The following KCNQ5 variants were observed in gnomAD, a reference collection of about 807,000 sequenced individuals.
The protein encoded by KCNQ5 is potassium voltage-gated channel subfamily KQT member 5.
A neutral mutation model predicts 98.2 loss-of-function variants in KCNQ5; 30 were observed. The observed-to-expected ratio is 0.31, with a 90% CI of 0.23 to 0.41. KCNQ5 has a LOEUF of 0.41. Among genes scored for constraint, KCNQ5 ranks in the 10% least tolerant of loss-of-function variants. KCNQ5 has a pLI of 1.00. For synonymous variants in KCNQ5, 458 were observed against 449.4 expected (o/e 1.02, Z -0.24); for missense variants, 835 against 1,182.5 (o/e 0.71, Z 4.31).
At chr6:73,033,858 G>C (rs573138573) in intron 2 of KCNQ5, among the ~76,000 whole-genome samples, 1 of 151,834 alleles carries the variant, frequency 6.6e-6, no homozygotes, top group Non-Finnish European at 1.5e-5. Flanking sequence ...TAGTCCCTTT[G>C]GTAAAAACAT....
At chr6:72,925,917 T>G (rs2150223234) in intron 1 of KCNQ5, among the ~76,000 whole-genome samples, 1 of 152,322 alleles carries the variant, frequency 6.6e-6, no homozygotes, top group South Asian at 2.1e-4. Flanking sequence ...ATATGAAAGG[T>G]AATGAGAAGC....
chr6:73,017,292 A>G (rs1411123752), intron 2 of KCNQ5, among the ~76,000 whole-genome samples: 1 of 152,152 alleles, frequency 6.6e-6, no homozygotes, highest in African/African-American at 2.4e-5. Context: ...AGGTTAATTC[A>G]TCATTTTTTA....
chr6:72,856,239 A>G (rs988545088), intron 1 of KCNQ5, among the ~76,000 whole-genome samples: 1 of 152,050 alleles, frequency 6.6e-6, no homozygotes, highest in African/African-American at 2.4e-5. Context: ...TCTTTGCTCA[A>G]TTTTTTCATT....
At chr6:73,088,367 G>T (rs1360277092) in intron 5 of KCNQ5, among the ~76,000 whole-genome samples, 1 of 152,112 alleles carries the variant, frequency 6.6e-6, no homozygotes, top group Admixed American at 6.6e-5. Flanking sequence ...AGATTACCTG[G>T]TCTTTGTGAA....
rs951366761 is a variant in KCNQ5 at position 73,160,458 on chromosome 6, A to C, written c.1469-9288A>C. 2.0e-5 allele frequency among the ~76,000 whole-genome samples: 3 copies of C among 152,354 alleles called. No individual in the cohort carries two copies. The East Asian group carries it at 5.8e-4, about 29-fold the overall frequency. On this transcript the variant is annotated intron_variant, in intron 10 of 13. Transcript: ENST00000370398. The stretch of plus-strand genomic sequence containing the variant: ...GGGGTTTTTTGATGGCTGCGAGTAG[A>C]AGACAATGACTGGAATTCAGCAGGC...
chr6:72,683,561 G>C (rs1767812044), intron 1 of KCNQ5, among the ~76,000 whole-genome samples: 1 of 151,778 alleles, frequency 6.6e-6, no homozygotes, highest in Admixed American at 6.6e-5. Flanking sequence ...AAGAGACGGG[G>C]TTTCACCATG....
At chr6:72,821,503 A>G (rs972727304) in intron 1 of KCNQ5, among the ~76,000 whole-genome samples, 1 of 152,148 alleles carries the variant, frequency 6.6e-6, no homozygotes, top group African/African-American at 2.4e-5. Flanking sequence ...TATGGAAGAC[A>G]TTTGGGGCTA....
intron 2 of KCNQ5, among the ~76,000 whole-genome samples, chr6:73,037,209 T>A (rs1235169044): frequency 2.6e-5 from 4 of 152,200 alleles, no homozygotes; most frequent in Non-Finnish European, 5.9e-5. Flanking sequence ...ATTTTCTAAT[T>A]GAGTTTTTGG....
intron 1 of KCNQ5, among the ~76,000 whole-genome samples, chr6:72,931,447 G>C (rs960059125): frequency 2.0e-5 from 3 of 152,020 alleles, no homozygotes; most frequent in African/African-American, 7.2e-5. Context: ...AGCCCCTTCT[G>C]AAACCACATC....
At chr6:72,920,282 A>G (rs952499459) in intron 1 of KCNQ5, among the ~76,000 whole-genome samples, 1 of 152,126 alleles carries the variant, frequency 6.6e-6, no homozygotes, top group Admixed American at 6.6e-5. Context: ...ACAGAGCAGG[A>G]CACTATATCA....
At chr6:72,967,449 G>A (rs1429131894) in intron 1 of KCNQ5, among the ~76,000 whole-genome samples, 4 of 151,996 alleles carry the variant, frequency 2.6e-5, no homozygotes, top group Admixed American at 2.0e-4. Flanking sequence ...AAAAGTTTGG[G>A]CATATATTAG....
At chr6:72,805,880 C>G (rs935956665) in intron 1 of KCNQ5, among the ~76,000 whole-genome samples, 4 of 152,014 alleles carry the variant, frequency 2.6e-5, no homozygotes, top group Non-Finnish European at 5.9e-5. Flanking sequence ...AGAACTCTTT[C>G]AATTCTTTGG....
intron 12 of KCNQ5, among the ~76,000 whole-genome samples, chr6:73,191,167 C>T (rs1437682895): frequency 6.6e-6 from 1 of 152,102 alleles, no homozygotes; most frequent in Non-Finnish European, 1.5e-5. Flanking sequence ...TCCAACCATC[C>T]AACCTGTGAA....
chr6:72,816,516 A>G (rs1775515884), intron 1 of KCNQ5, among the ~76,000 whole-genome samples: 3 of 152,248 alleles, frequency 2.0e-5, no homozygotes, highest in Admixed American at 2.0e-4. Context: ...GTGCCCCATA[A>G]AGGAGTAAAA....
At chr6:72,648,984 T>C (rs1230240923) in intron 1 of KCNQ5, among the ~76,000 whole-genome samples, 1 of 152,140 alleles carries the variant, frequency 6.6e-6, no homozygotes, top group Non-Finnish European at 1.5e-5. Context: ...TCAGTTTTAT[T>C]GTGTGCTTAG....
intron 3 of KCNQ5, among the ~76,000 whole-genome samples, chr6:73,062,315 A>T (rs1459464918): frequency 2.0e-5 from 3 of 152,134 alleles, no homozygotes; most frequent in Admixed American, 6.5e-5. Flanking sequence ...TGGTTACTCG[A>T]TTCAGCGTCT....
intron 1 of KCNQ5, among the ~76,000 whole-genome samples, chr6:72,682,941 G>A (rs1379976255): frequency 6.6e-6 from 1 of 152,136 alleles, no homozygotes; most frequent in Non-Finnish European, 1.5e-5. Flanking sequence ...GGAGCTGATC[G>A]CTGCCCCACT....
chr6:72,779,821 CTGTGTGTGTGTGTG>C (rs35526812), intron 1 of KCNQ5, among the ~76,000 whole-genome samples: 3,627 of 124,798 alleles, frequency 0.029, 132 homozygotes, highest in African/African-American at 0.063. Context: ...ATTTAATTTT[CTGTGTGTGTGTGTG>C]TGTGTGTGTG....
At chr6:72,736,644 C>T (rs370272273) in intron 1 of KCNQ5, among the ~76,000 whole-genome samples, 11 of 147,906 alleles carry the variant, frequency 7.4e-5, no homozygotes, top group South Asian at 4.4e-4. Flanking sequence ...GGACTACAGG[C>T]GCCCGCCACC....
Sources: allele counts gnomAD v4.1 joint callset (sites outside exome capture counted in the v4.1 genomes callset), GRCh38; gene constraint gnomAD v4.1.1; transcripts MANE v1.5; gene names NCBI Gene and HGNC (gene_info 2026-07-23, HGNC 2026-07-21).